DDX21: variants seen among roughly 807,000 people sequenced by gnomAD.
DDX21 encodes the protein nucleolar RNA helicase 2.
In DDX21, 18 loss-of-function variants were observed where a neutral mutation model predicts 90.0. That is an observed-to-expected ratio of 0.20 (90% CI 0.14 to 0.30). The LOEUF (loss-of-function observed/expected upper bound fraction) is 0.30, where lower values mean the gene tolerates loss of function less well. Among genes scored for constraint, DDX21 ranks in the 10% least tolerant of loss-of-function variants. DDX21 has a pLI of 1.00. For synonymous variants in DDX21, 294 were observed against 318.0 expected (o/e 0.92, Z 0.80); for missense variants, 673 against 944.5 (o/e 0.71, Z 3.77).
Position 68,970,283 on chromosome 10 carries a change from G to A in DDX21, c.1319G>A (p.Arg440His), listed in dbSNP as rs201590875. ...CGAGTATATAGTGGTCATCAAGGAC[G>A]CACTATCATCTTTTGTGAAACCAAG... ...VIRVYSGHQG[R>H]TIIFCETKKE... The change falls in exon 8 of 15, where the codon CGC becomes CAC. Residue 440 changes from arginine to histidine, a missense_variant. Physicochemically the swap from Arg to His is conservative, Grantham distance 29. Coordinates refer to ENST00000354185, the MANE Select transcript of DDX21 (RefSeq NM_004728.4). 9.3e-6 allele frequency: 15 copies of A among 1,613,846 alleles called. No homozygotes were observed. The highest frequency in any genetic ancestry group is 5.3e-5 in the African/African-American group (4 of 74,886).
intron 11 of DDX21, among the ~76,000 whole-genome samples, chr10:68,976,533 C>T (rs927470608): frequency 3.9e-5 from 6 of 152,164 alleles, no homozygotes; most frequent in Non-Finnish European, 5.9e-5. Context: ...ATGATCCGCC[C>T]GCCTTGGCCT....
Position 68,956,171 on chromosome 10 carries a change from T to C in DDX21, c.-55T>C. 6.3e-7 allele frequency: 1 copy of C among 1,585,454 alleles called. No individual in the cohort carries two copies. ...GGTGGACCCAGGGTGGGGAACTACC[T>C]CTTCCTCTCCACGCGGTTGAGAAGA... On this transcript the variant is annotated 5_prime_UTR_variant, in exon 1 of 15. Transcript: ENST00000354185.
rs756751045 is a variant in DDX21, at chr10:68,977,666, G to A, written c.1880G>A (p.Arg627His). 4 of 1,612,530 alleles carry A rather than the reference G, an allele frequency of 2.5e-6. No homozygotes were observed. The highest frequency in any genetic ancestry group is 4.5e-5 in the East Asian group (2 of 44,856). Residue 627 changes from arginine to histidine, a missense_variant, in exon 12 of 15, where the codon CGC (arginine) becomes CAC (histidine). Transcript: ENST00000354185. ...HISGATSVDQ[R>H]SLINSNVGFV... Reference sequence around the variant, plus strand: ...TCAGGTGCCACGTCCGTAGACCAGCGCTCCTTGATCAACTCAAATGTGGTA... The same window carrying A: ...TCAGGTGCCACGTCCGTAGACCAGCACTCCTTGATCAACTCAAATGTGGTA...
intron 3 of DDX21, among the ~76,000 whole-genome samples, chr10:68,962,561 A>G (rs779732860): frequency 2.0e-5 from 3 of 151,796 alleles, no homozygotes; most frequent in Non-Finnish European, 4.4e-5. Context: ...GGCTTCAGTG[A>G]ACTGTGGTCA....
chr10:68,960,028 A>C lies in DDX21; in HGVS notation c.310A>C (p.Lys104Gln). ...GAGAAAGAAAAAGGAGCCCATTGAAAAGAAAGTGGTTTCTTCTAAAACCAA... is the reference window on the plus strand; with the variant it reads ...GAGAAAGAAAAAGGAGCCCATTGAACAGAAAGTGGTTTCTTCTAAAACCAA... ...SLRKKKEPIEKKVVSSKTKKV... is the reference protein window; with the variant it reads ...SLRKKKEPIEQKVVSSKTKKV... The change falls in exon 2 of 15, where the codon AAG becomes CAG. Residue 104 changes from lysine to glutamine, a missense_variant. This residue lies in a region of DDX21 where 204 missense variants were observed against 221.6 expected (regional missense o/e 0.92). Transcript: ENST00000354185. 1.2e-6 allele frequency: 2 copies of C among 1,602,766 alleles called. No individual in the cohort carries two copies. Among genetic ancestry groups the C allele is most frequent in the Non-Finnish European group, 1.7e-6 (2 of 1,177,642 alleles).
In DDX21 at chr10:68,984,139, T is replaced by C. The variant is rs925260658; in HGVS notation, c.*1327T>C. 1 of 152,224 alleles carries C rather than the reference T, an allele frequency of 6.6e-6. No individual in the cohort carries two copies. Among genetic ancestry groups the C allele is most frequent in the African/African-American group, 2.4e-5 (1 of 41,450 alleles). The allele number at this position is 152,224 out of a possible 1,614,324, so 9.4% of individuals were successfully genotyped here. On this transcript the variant is annotated 3_prime_UTR_variant, in exon 15 of 15. Transcript: ENST00000354185. Reference sequence around the variant, plus strand: ...TTAAGAGTGGCATTATCTTCTCGCCTTAATTTCCAGAGATTATTTCTGTAC... The same window carrying C: ...TTAAGAGTGGCATTATCTTCTCGCCCTAATTTCCAGAGATTATTTCTGTAC...
At chr10:68,980,227 T>A (rs955857119) in intron 13 of DDX21, among the ~76,000 whole-genome samples, 3 of 151,604 alleles carry the variant, frequency 2.0e-5, no homozygotes, top group Non-Finnish European at 4.4e-5. Context: ...GCAACAAGAG[T>A]GAAACTCCGT....
Position 68,974,755 on chromosome 10 carries a change from A to C in DDX21, c.1742+12A>C, listed in dbSNP as rs368843890. 1.6e-5 allele frequency: 25 copies of C among 1,607,888 alleles called. No individual in the cohort carries two copies. The highest frequency in any genetic ancestry group is 2.0e-5 in the Non-Finnish European group (23 of 1,174,694). On this transcript the variant is annotated intron_variant, in intron 11 of 14. Transcript: ENST00000354185. ...AAAGATGCCATCAGGTATGTTCCCT[A>C]CCACTGCTATGGTCTGTTTTAGTGT...
At chr10:68,975,256 T>C (rs1196885758) in intron 11 of DDX21, among the ~76,000 whole-genome samples, 1 of 152,186 alleles carries the variant, frequency 6.6e-6, no homozygotes, top group Admixed American at 6.5e-5. Flanking sequence ...TCGTTAATAG[T>C]AAATGTCTAG....
intron 5 of DDX21, among the ~76,000 whole-genome samples, chr10:68,966,588 G>T (rs997443241): frequency 1.3e-5 from 2 of 151,870 alleles, no homozygotes; most frequent in African/African-American, 2.4e-5. Flanking sequence ...GATTACAGGC[G>T]CCCACCACTG....
intron 5 of DDX21, 92 bp downstream of exon 5, chr10:68,965,586 T>C: frequency 7.7e-6 from 7 of 906,690 alleles, no homozygotes; most frequent in South Asian, 4.4e-5. Context: ...CTGGCTTCTC[T>C]ATATAGGATA....
At chr10:68,979,644 TTTGAC>T (rs1269838261) in intron 13 of DDX21, among the ~76,000 whole-genome samples, 1 of 152,174 alleles carries the variant, frequency 6.6e-6, no homozygotes, top group African/African-American at 2.4e-5. Flanking sequence ...TGAAAATAAT[TTTGAC>T]TTGGCGAAGC....
intron 14 of DDX21, among the ~76,000 whole-genome samples, chr10:68,981,855 G>T (rs185779002): frequency 0.041 from 6,200 of 151,834 alleles, 395 homozygotes; most frequent in African/African-American, 0.14. Context: ...TAGATTTTGT[G>T]TGTGTGTGTG....
At chr10:68,968,928 G>C in intron 6 of DDX21, 48 bp from the exon 7 acceptor site, 1 of 1,600,180 alleles carries the variant, frequency 6.2e-7, no homozygotes, top group East Asian at 2.2e-5. Context: ...TACTATGTAG[G>C]CTTGTTTGGA....
chr10:68,964,380 C>G (rs1451952598), intron 4 of DDX21, among the ~76,000 whole-genome samples: 1 of 152,200 alleles, frequency 6.6e-6, no homozygotes, highest in African/African-American at 2.4e-5. Context: ...ATCCCTAGCA[C>G]ATTTTAGATG....
intron 5 of DDX21, among the ~76,000 whole-genome samples, chr10:68,966,357 G>C (rs973208851): frequency 6.6e-6 from 1 of 151,444 alleles, no homozygotes; most frequent in Non-Finnish European, 1.5e-5. Context: ...TTACAGGCGT[G>C]AGCCACCGTG....
At chr10:68,981,920 C>T (rs1035109369) in intron 14 of DDX21, among the ~76,000 whole-genome samples, 2 of 152,010 alleles carry the variant, frequency 1.3e-5, no homozygotes, top group African/African-American at 4.8e-5. Flanking sequence ...GTCGCCCAGG[C>T]TGGAGTGCAG....
chr10:68,977,105 G>T (rs2132093449), intron 11 of DDX21, among the ~76,000 whole-genome samples: 1 of 152,026 alleles, frequency 6.6e-6, no homozygotes, highest in South Asian at 2.1e-4. Flanking sequence ...ATGGAAATAG[G>T]TTTTTTCTGA....
chr10:68,962,077 G>T lies in DDX21; in HGVS notation c.532-5G>T. On this transcript the variant is annotated splice_polypyrimidine_tract_variant and splice_region_variant and intron_variant, in intron 2 of 14. Transcript: ENST00000354185. ...GATTTCTTTCTATGGCCCTTTACTT[G>T]ATAGGAAATACCTGTGGAACAAAAA... The T allele has an allele frequency of 6.2e-7, 1 of 1,606,896 alleles. No individual in the cohort carries two copies. Among genetic ancestry groups the T allele is most frequent in the South Asian group, 1.1e-5 (1 of 90,138 alleles).
Sources: allele counts gnomAD v4.1 joint callset (sites outside exome capture counted in the v4.1 genomes callset), GRCh38; gene constraint gnomAD v4.1.1; regional missense constraint gnomAD v4.1.1; transcripts MANE v1.5; gene names NCBI Gene and HGNC (gene_info 2026-07-23, HGNC 2026-07-21).